SGK1: variants seen among roughly 807,000 people sequenced by gnomAD.
The protein encoded by SGK1 is serine/threonine-protein kinase Sgk1.
Under a neutral mutation model 64.2 loss-of-function variants are expected in SGK1, and 26 were observed. The observed-to-expected ratio is 0.40, with a 90% CI of 0.30 to 0.56. SGK1 has a LOEUF of 0.56. Ranked by LOEUF, SGK1 falls within the 20% of genes least tolerant of loss-of-function variation. SGK1 has a pLI of 0.38. For missense variants in SGK1, 519 were observed against 645.6 expected (o/e 0.80, Z 2.12); for synonymous variants, 265 against 239.7 (o/e 1.11, Z -0.98).
At chr6:134,191,880 G>A (rs1217214469) in intron 3 of SGK1, among the ~76,000 whole-genome samples, 35 of 130,490 alleles carry the variant, frequency 2.7e-4, no homozygotes, top group African/African-American at 9.8e-4. Context: ...CTGTCACCAG[G>A]CTGCAGTGCA....
At chr6:134,247,751 A>G (rs1322532902) in intron 2 of SGK1, among the ~76,000 whole-genome samples, 1 of 152,220 alleles carries the variant, frequency 6.6e-6, no homozygotes. Flanking sequence ...TGGAAGCCAG[A>G]GCCAACTCTA....
At chr6:134,214,356 C>T (rs1028732710) in intron 2 of SGK1, among the ~76,000 whole-genome samples, 2 of 152,184 alleles carry the variant, frequency 1.3e-5, no homozygotes, top group Admixed American at 6.5e-5. Flanking sequence ...TTTGGGAGGC[C>T]GAGGCAGGCG....
chr6:134,269,985 G>A (rs1159942746), intron 1 of SGK1, among the ~76,000 whole-genome samples: 1 of 147,032 alleles, frequency 6.8e-6, no homozygotes, highest in African/African-American at 2.4e-5. Flanking sequence ...GCAATGGCGC[G>A]ATCTCAGCTC....
intron 3 of SGK1, among the ~76,000 whole-genome samples, chr6:134,187,730 C>G (rs1775446560): frequency 6.6e-6 from 1 of 152,112 alleles, no homozygotes; most frequent in Non-Finnish European, 1.5e-5. Context: ...GTGTGGAATA[C>G]CATGACAGGG....
chr6:134,261,489 A>C, intron 2 of SGK1: 1 of 298,002 alleles, frequency 3.4e-6, no homozygotes, highest in Non-Finnish European at 6.2e-6. Flanking sequence ...GGGTCAGGGT[A>C]AGGAGGGGAT....
chr6:134,196,800 T>C (rs1271065770), intron 3 of SGK1, among the ~76,000 whole-genome samples: 3 of 152,260 alleles, frequency 2.0e-5, no homozygotes, highest in African/African-American at 7.2e-5. Flanking sequence ...TGAGTGGGTC[T>C]CTTTCTGATG....
Position 134,184,625 on chromosome 6 carries a change from CT to C in SGK1, c.362-10040del, listed in dbSNP as rs201031053. On this transcript the variant is annotated intron_variant, in intron 3 of 13. Coordinates refer to ENST00000367858, the MANE Select transcript of SGK1 (RefSeq NM_001143676.3). ...TCTGCATATTAGTTTTATTATGTGA[CT>C]TTTTCTGGGTTTATTGTTGATTTAC... Among the ~76,000 whole-genome samples the C allele has an allele frequency of 7.5e-4, 113 of 151,538 alleles. 1 individual carries two copies. The East Asian group carries it at 0.02, about 26-fold the overall frequency.
At chr6:134,174,127 G>C in intron 4 of SGK1, 47 bp from the exon 5 acceptor site, 1 of 1,386,844 alleles carries the variant, frequency 7.2e-7, no homozygotes. Context: ...CGCCACTAGG[G>C]GGCACACCAA....
intron 1 of SGK1, among the ~76,000 whole-genome samples, chr6:134,269,742 C>A (rs969977095): frequency 3.4e-5 from 5 of 147,718 alleles, no homozygotes; most frequent in African/African-American, 9.7e-5. Context: ...AGGTTAGTTA[C>A]GGCATGAGTG....
intron 2 of SGK1, among the ~76,000 whole-genome samples, chr6:134,259,365 C>T (rs943623922): frequency 2.6e-5 from 4 of 151,882 alleles, no homozygotes; most frequent in Non-Finnish European, 5.9e-5. Context: ...TCAGGCTGGG[C>T]GCAGTGGCTC....
chr6:134,215,126 CTT>C lies in SGK1; in HGVS notation c.286-7697_286-7696del, dbSNP rs750498622. 1.3e-4 allele frequency: 40 copies of C among 317,090 alleles called. No homozygotes were observed. The African/African-American group carries it at 1.4e-3, about 11-fold the overall frequency. 19.6% of individuals were successfully genotyped at this position (317,090 alleles called of 1,614,324 possible). A position where few individuals can be genotyped will look rare whatever the true frequency, so the allele number is the denominator to read the frequency against. Reference sequence around the variant, plus strand: ...ATAAACATGAGAGTAAGTTTTCTTTCTTTCTTTCTTTTTTTTTTTTTGAGAGA... The same window carrying C: ...ATAAACATGAGAGTAAGTTTTCTTTCTCTTTCTTTTTTTTTTTTTGAGAGA... On this transcript the variant is annotated intron_variant, in intron 2 of 13. Transcript: ENST00000367858.
chr6:134,280,383 G>T (rs1777075711), intron 1 of SGK1, among the ~76,000 whole-genome samples: 1 of 152,040 alleles, frequency 6.6e-6, no homozygotes, highest in Non-Finnish European at 1.5e-5. Context: ...ATAAATAGAT[G>T]AGTAAAGGAG....
Position 134,262,151 on chromosome 6 carries a change from G to A in SGK1, c.70-3C>T. ...GGGCTCTTGATCCACCTTCGTACCT[G>A]CAATGTGCAAAAGGAAAGAAAAAAC... On this transcript the variant is annotated splice_polypyrimidine_tract_variant and splice_region_variant and intron_variant, in intron 1 of 13. Coordinates refer to ENST00000367858, the MANE Select transcript of SGK1 (RefSeq NM_001143676.3). 1 of 1,560,916 alleles carries A rather than the reference G, an allele frequency of 6.4e-7. No individual in the cohort carries two copies. The highest frequency in any genetic ancestry group is 8.7e-7 in the Non-Finnish European group (1 of 1,148,678).
chr6:134,235,025 C>A (rs1776341344), intron 2 of SGK1, among the ~76,000 whole-genome samples: 1 of 152,064 alleles, frequency 6.6e-6, no homozygotes, highest in Non-Finnish European at 1.5e-5. Context: ...AAGAGAAGAC[C>A]AAATGACAAT....
intron 2 of SGK1, among the ~76,000 whole-genome samples, chr6:134,232,445 A>AAG (rs1436866384): frequency 1.1e-4 from 6 of 56,606 alleles, no homozygotes; most frequent in African/African-American, 3.6e-4. Flanking sequence ...GAAAGAAAGA[A>AAG]AGAAAGAAAG....
intron 13 of SGK1, 92 bp downstream of exon 13, chr6:134,170,734 A>T (rs541863319): frequency 2.3e-6 from 2 of 868,034 alleles, no homozygotes; most frequent in African/African-American, 1.7e-5. Context: ...ACATCTGCCA[A>T]TGTATTCCTT....
intron 3 of SGK1, among the ~76,000 whole-genome samples, chr6:134,194,360 C>G (rs1775563956): frequency 6.6e-6 from 1 of 152,082 alleles, no homozygotes; most frequent in Non-Finnish European, 1.5e-5. Flanking sequence ...ACCAGTCAAG[C>G]TGTTTGTGTA....
rs1229297044 is a variant in SGK1, at chr6:134,282,525, C to CGT, written c.70-20378_70-20377insAC. 2.4e-3 allele frequency among the ~76,000 whole-genome samples: 357 copies of CGT among 150,028 alleles called. 2 individuals carry two copies. The highest frequency in any genetic ancestry group is 8.8e-3 in the African/African-American group (347 of 39,570). ...AAAATTAGCTGGGCATGGTGGCGCA[C>CGT]ACCTGTAATTCCAGCTACTCGGGAG... On this transcript the variant is annotated intron_variant, in intron 1 of 13. Transcript: ENST00000367858.
In SGK1 at chr6:134,173,368, A is replaced by G; in HGVS notation, c.619-11T>C. On this transcript the variant is annotated splice_polypyrimidine_tract_variant and intron_variant, in intron 6 of 13. Transcript: ENST00000367858. ...TCTTGCTAGAAGAACCTGAAATTTC[A>G]ATTTAAAAAAATCATTTTTCTATCC... 6.2e-7 allele frequency: 1 copy of G among 1,608,034 alleles called. No homozygotes were observed.
Sources: allele counts gnomAD v4.1 joint callset (sites outside exome capture counted in the v4.1 genomes callset), GRCh38; gene constraint gnomAD v4.1.1; transcripts MANE v1.5; gene names NCBI Gene and HGNC (gene_info 2026-07-23, HGNC 2026-07-21).